The following CYP2C19 variants were observed in gnomAD, a reference collection of about 807,000 sequenced individuals.
CYP2C19 encodes the protein cytochrome P450 family 2 subfamily C member 19.
A neutral mutation model predicts 40.9 loss-of-function variants in CYP2C19; 59 were observed. The ratio of observed to expected loss-of-function variants is 1.44; its 90% CI spans 1.17 to 1.79. CYP2C19 has a LOEUF of 1.79. Ranked by LOEUF, CYP2C19 falls within the 40% of genes most tolerant of loss-of-function variation. The probability of loss-of-function intolerance (pLI) is 0.00; values close to 1 mark genes in which losing one functional copy is unlikely to be tolerated. For synonymous variants in CYP2C19, 253 were observed against 208.7 expected, an observed-to-expected ratio of 1.21 and a Z score of -1.83; for missense variants, 754 against 596.9, an observed-to-expected ratio of 1.26 and a Z score of -2.74.
intron 5 of CYP2C19, among the ~76,000 whole-genome samples, chr10:94,800,877 G>T (rs1025237230): frequency 1.3e-5 from 2 of 152,190 alleles, no homozygotes; most frequent in African/African-American, 2.4e-5. Context: ...CATGGGAAAA[G>T]CACAGTATTT....
chr10:94,798,814 A>ATTTTTTTTTTTTTTT lies in CYP2C19; in HGVS notation c.819+16827_819+16841dup, dbSNP rs61240923. Reference sequence around the variant, plus strand: ...TCAAAGGGTAGGATTGCAACCCCTGATTTTTTTTTTTTTTTTTTTTTTTTG... The same window carrying ATTTTTTTTTTTTTTT: ...TCAAAGGGTAGGATTGCAACCCCTGATTTTTTTTTTTTTTTTTTTTTTTTTTTTTTTTTTTTTTTG... On this transcript the variant is annotated intron_variant, in intron 5 of 8. Transcript: ENST00000371321. Among the ~76,000 whole-genome samples, 54 of 67,686 alleles carry ATTTTTTTTTTTTTTT rather than the reference A, an allele frequency of 8.0e-4. 1 individual carries two copies. The highest frequency in any genetic ancestry group is 8.9e-4 in the Non-Finnish European group (32 of 35,866). 44.4% of individuals were successfully genotyped at this position (67,686 alleles called of 152,430 possible). A position where few individuals can be genotyped will look rare whatever the true frequency, so the allele number is the denominator to read the frequency against.
Position 94,852,828 on chromosome 10 carries a change from G to T in CYP2C19, c.1387G>T (p.Asp463Tyr). The T allele has an allele frequency of 1.9e-6, 3 of 1,613,968 alleles. No individual in the cohort carries two copies. Among genetic ancestry groups the T allele is most frequent in the South Asian group, 2.2e-5 (2 of 91,066 alleles). ...LQNFNLKSLIDPKDLDTTPVV... is the reference protein window; with the variant it reads ...LQNFNLKSLIYPKDLDTTPVV... The stretch of plus-strand genomic sequence containing the variant: ...GAACTTTAACCTGAAATCTCTGATT[G>T]ACCCAAAGGACCTTGACACAACTCC... Residue 463 changes from aspartate to tyrosine, a missense_variant, in exon 9 of 9, where the codon GAC (aspartate) becomes TAC (tyrosine). Physicochemically the swap from Asp to Tyr is radical, Grantham distance 160 (BLOSUM62 -3). Transcript: ENST00000371321.
chr10:94,782,031 G>A, intron 5 of CYP2C19, 34 bp downstream of exon 5: 1 of 1,496,298 alleles, frequency 6.7e-7, no homozygotes, highest in South Asian at 1.4e-5. Flanking sequence ...TTATGTGACT[G>A]CTTGCGTATT....
At chr10:94,806,556 CTTG>C (rs550413752) in intron 5 of CYP2C19, among the ~76,000 whole-genome samples, 152 of 151,064 alleles carry the variant, frequency 1.0e-3, no homozygotes, top group Non-Finnish European at 2.0e-3. Flanking sequence ...CACATTCTCA[CTTG>C]TTGTTTTCTT....
intron 5 of CYP2C19, among the ~76,000 whole-genome samples, chr10:94,791,140 C>A (rs760071184): frequency 2.0e-5 from 3 of 152,072 alleles, no homozygotes; most frequent in Non-Finnish European, 4.4e-5. Context: ...TTTAGATTTT[C>A]TAGTTTATTT....
chr10:94,791,372 C>T (rs1025690721), intron 5 of CYP2C19, among the ~76,000 whole-genome samples: 1 of 152,094 alleles, frequency 6.6e-6, no homozygotes, highest in Non-Finnish European at 1.5e-5. Flanking sequence ...TCCTCCAGTT[C>T]TGCTCTGATC....
intron 5 of CYP2C19, among the ~76,000 whole-genome samples, chr10:94,808,214 A>T (rs1042422072): frequency 3.3e-5 from 5 of 152,024 alleles, no homozygotes; most frequent in Non-Finnish European, 7.4e-5. Context: ...GTTCTCTTCC[A>T]TGGGTCCATG....
chr10:94,800,999 CT>C (rs1209850767), intron 5 of CYP2C19, among the ~76,000 whole-genome samples: 2 of 152,206 alleles, frequency 1.3e-5, no homozygotes, highest in Non-Finnish European at 2.9e-5. Context: ...CCCCACCCTT[CT>C]TCAGCTCACC....
At chr10:94,834,740 C>T (rs1849376484) in intron 6 of CYP2C19, among the ~76,000 whole-genome samples, 1 of 152,126 alleles carries the variant, frequency 6.6e-6, no homozygotes, top group African/African-American at 2.4e-5. Flanking sequence ...CCTGTTTTGC[C>T]TAATTAGCAT....
At position 94,854,036 on chromosome 10, in the gene CYP2C19, G is replaced by C. The variant is rs544547492; in HGVS notation, c.*1122G>C. Reference sequence around the variant, plus strand: ...TTCTTTTCTTTTTTCTTTTTTTTTTGAAATGGAGTCCCACTTTTGTTCCCC... The same window carrying C: ...TTCTTTTCTTTTTTCTTTTTTTTTTCAAATGGAGTCCCACTTTTGTTCCCC... On this transcript the variant is annotated 3_prime_UTR_variant, in exon 9 of 9. Coordinates refer to ENST00000371321, the MANE Select transcript of CYP2C19 (RefSeq NM_000769.4). 2.9e-5 allele frequency among the ~76,000 whole-genome samples: 4 copies of C among 139,934 alleles called. No homozygotes were observed. The South Asian group carries it at 9.0e-4, about 32-fold the overall frequency. 91.8% of individuals were successfully genotyped at this position (139,934 alleles called of 152,430 possible).
At chr10:94,770,087 T>C (rs1848306249) in intron 1 of CYP2C19, among the ~76,000 whole-genome samples, 1 of 152,128 alleles carries the variant, frequency 6.6e-6, no homozygotes, top group African/African-American at 2.4e-5. Context: ...AGATTAACAC[T>C]GAGAAGGCCA....
intron 3 of CYP2C19, 139 bp from the exon 4 acceptor site, chr10:94,780,360 C>T: frequency 1.8e-6 from 2 of 1,101,404 alleles, no homozygotes; most frequent in Middle Eastern, 3.1e-4. Context: ...TTATGCATGC[C>T]AAACTCTTTT....
intron 5 of CYP2C19, among the ~76,000 whole-genome samples, chr10:94,796,213 A>T (rs577248816): frequency 3.3e-5 from 5 of 152,272 alleles, no homozygotes; most frequent in East Asian, 3.9e-4. Context: ...AGCTTTCTCC[A>T]TATGGCTAGC....
intron 5 of CYP2C19, among the ~76,000 whole-genome samples, chr10:94,818,591 G>C (rs1206913448): frequency 7.0e-6 from 1 of 142,028 alleles, no homozygotes; most frequent in African/African-American, 2.7e-5. Context: ...AGTTCTCCTT[G>C]AAGAGGTCCT....
At chr10:94,776,809 G>A (rs1037922919) in intron 3 of CYP2C19, among the ~76,000 whole-genome samples, 3 of 152,030 alleles carry the variant, frequency 2.0e-5, no homozygotes. Context: ...AGGGCAATCA[G>A]GCAAGAGAAA....
chr10:94,800,856 GTTGCTAAGACCATGGGAAAAGCACAGTAT>G (rs1848754046), intron 5 of CYP2C19, among the ~76,000 whole-genome samples: 1 of 152,214 alleles, frequency 6.6e-6, no homozygotes, highest in Admixed American at 6.5e-5. Context: ...TAGTCTGCCT[GTTGCTAAGACCATGGGAAAAGCACAGTAT>G]TTGAGTGAGA....
At chr10:94,817,013 A>G (rs1440666568) in intron 5 of CYP2C19, among the ~76,000 whole-genome samples, 1 of 108,846 alleles carries the variant, frequency 9.2e-6, no homozygotes, top group Non-Finnish European at 1.9e-5. Flanking sequence ...AGTCTTTGCT[A>G]TTGTGAATAA....
rs577125163 is a variant in CYP2C19 at position 94,792,451 on chromosome 10, A to T, written c.819+10454A>T. On this transcript the variant is annotated intron_variant, in intron 5 of 8. Coordinates refer to ENST00000371321, the MANE Select transcript of CYP2C19 (RefSeq NM_000769.4). ...TTGGCTCAGTTTCTTCCTAGCAATG[A>T]TGGTCTTTACAATTTGACACTTTTT... Among the ~76,000 whole-genome samples, 4 of 152,244 alleles carry T rather than the reference A, an allele frequency of 2.6e-5. No individual in the cohort carries two copies. In the South Asian group the frequency reaches 8.3e-4, roughly 32 times the overall value.
chr10:94,829,967 A>T (rs180944671), intron 6 of CYP2C19, among the ~76,000 whole-genome samples: 1 of 152,162 alleles, frequency 6.6e-6, no homozygotes, highest in Non-Finnish European at 1.5e-5. Context: ...TAGGCTGCTC[A>T]GGGGTCAGGG....
Sources: allele counts gnomAD v4.1 joint callset (sites outside exome capture counted in the v4.1 genomes callset), GRCh38; gene constraint gnomAD v4.1.1; transcripts MANE v1.5; gene names NCBI Gene and HGNC (gene_info 2026-07-23, HGNC 2026-07-21).